IL1RAPL1: variants seen among roughly 807,000 people sequenced by gnomAD.
IL1RAPL1 encodes the protein interleukin-1 receptor accessory protein-like 1.
A neutral mutation model predicts 48.4 loss-of-function variants in IL1RAPL1; 3 were observed. The observed-to-expected ratio is 0.06, with a 90% confidence interval of 0.03 to 0.16. The LOEUF (loss-of-function observed/expected upper bound fraction) is 0.16. Ranked by LOEUF, IL1RAPL1 falls within the 10% of genes least tolerant of loss-of-function variation. The pLI, the probability that IL1RAPL1 is intolerant of heterozygous loss-of-function variation, is 1.00. For missense variants in IL1RAPL1, 349 were observed against 530.6 expected, an observed-to-expected ratio of 0.66 and a Z score of 3.36; for synonymous variants, 185 against 187.7, an observed-to-expected ratio of 0.99 and a Z score of 0.12.
At chrX:29,271,361 T>A (rs903088176) in intron 2 of IL1RAPL1, among the ~76,000 whole-genome samples, 3 of 112,173 alleles carry the variant, frequency 2.7e-5, no homozygotes, top group African/African-American at 9.7e-5. Context: ...ACGATTTATA[T>A]TCCTTTGGAT....
intron 2 of IL1RAPL1, among the ~76,000 whole-genome samples, chrX:29,232,573 A>C (rs989157744): frequency 8.9e-5 from 10 of 111,796 alleles, no homozygotes; most frequent in Non-Finnish European, 1.7e-4. Context: ...TTACATTTAC[A>C]ATCATCTGAC....
At chrX:29,681,761 C>A (rs1463267810) in intron 6 of IL1RAPL1, among the ~76,000 whole-genome samples, 1 of 111,698 alleles carries the variant, frequency 9.0e-6, no homozygotes, top group African/African-American at 3.3e-5. Context: ...GTCATCATTC[C>A]TATGTATTGT....
intron 5 of IL1RAPL1, among the ~76,000 whole-genome samples, chrX:29,534,220 G>A (rs1429827413): frequency 9.0e-6 from 1 of 111,622 alleles, no homozygotes; most frequent in Non-Finnish European, 1.9e-5. Flanking sequence ...CTTCTCTTTA[G>A]GATGTGCAAA....
intron 6 of IL1RAPL1, among the ~76,000 whole-genome samples, chrX:29,800,406 C>T: frequency 9.0e-6 from 1 of 110,541 alleles, no homozygotes; most frequent in Admixed American, 9.7e-5. Context: ...AATTATCTAA[C>T]TTAAGTTACC....
At chrX:29,019,427 A>G (rs1170407175) in intron 2 of IL1RAPL1, among the ~76,000 whole-genome samples, 1 of 111,240 alleles carries the variant, frequency 9.0e-6, no homozygotes, top group African/African-American at 3.3e-5. Flanking sequence ...ATCTCAAGAA[A>G]ACTGTTATTA....
chrX:29,371,561 C>T (rs752036120), intron 3 of IL1RAPL1, among the ~76,000 whole-genome samples: 2 of 111,529 alleles, frequency 1.8e-5, no homozygotes, highest in Non-Finnish European at 3.8e-5. Context: ...GCATAGTACC[C>T]GATAGGTAGT....
chrX:29,579,489 G>A (rs1340454288), intron 5 of IL1RAPL1, among the ~76,000 whole-genome samples: 2 of 111,463 alleles, frequency 1.8e-5, no homozygotes, highest in South Asian at 3.7e-4. Context: ...AAAGTAGCAC[G>A]GAGGCTTACC....
At chrX:29,633,409 G>A (rs940864800) in intron 5 of IL1RAPL1, among the ~76,000 whole-genome samples, 1 of 109,346 alleles carries the variant, frequency 9.1e-6, no homozygotes, top group Non-Finnish European at 1.9e-5. Context: ...TTCTATTTCT[G>A]AATCTGGTTG....
At position 29,089,003 on chromosome X, in the gene IL1RAPL1, AC is replaced by A. The variant is rs771138770; in HGVS notation, c.83-193934del. Among the ~76,000 whole-genome samples, 32 of 111,414 alleles carry A rather than the reference AC, an allele frequency of 2.9e-4. No homozygotes were observed. In the South Asian group the frequency reaches 0.011, roughly 40 times the overall value. The stretch of plus-strand genomic sequence containing the variant: ...AAAATGTTTCCTGGAGAAAATGAGA[AC>A]AGTCCTACCTTTAAGCAAATTGATT... On this transcript the variant is annotated intron_variant, in intron 2 of 10. Coordinates refer to ENST00000378993, the MANE Select transcript of IL1RAPL1 (RefSeq NM_014271.4).
intron 5 of IL1RAPL1, among the ~76,000 whole-genome samples, chrX:29,584,801 G>A (rs540885064): frequency 9.0e-6 from 1 of 111,596 alleles, no homozygotes; most frequent in Admixed American, 9.5e-5. Context: ...CTATCATCCC[G>A]CCTTGGCCTC....
intron 2 of IL1RAPL1, among the ~76,000 whole-genome samples, chrX:29,208,378 C>G (rs997946716): frequency 9.0e-6 from 1 of 111,550 alleles, no homozygotes; most frequent in African/African-American, 3.3e-5. Context: ...GAGCCAGAAT[C>G]CATTGACTTA....
At position 29,857,820 on chromosome X, in the gene IL1RAPL1, GTGAC is replaced by G. The variant is rs200370993; in HGVS notation, c.779-59638_779-59635del. On this transcript the variant is annotated intron_variant, in intron 6 of 10. Coordinates refer to ENST00000378993, the MANE Select transcript of IL1RAPL1 (RefSeq NM_014271.4). The stretch of plus-strand genomic sequence containing the variant: ...GACAAAGGGAGGCAATTCTGGAAAA[GTGAC>G]TGACTAAGTTGTATGAAGAGGCAAA... Among the ~76,000 whole-genome samples, 16 of 111,986 alleles carry G rather than the reference GTGAC, an allele frequency of 1.4e-4. No homozygotes were observed. The East Asian group carries it at 2.5e-3, about 18-fold the overall frequency.
intron 6 of IL1RAPL1, among the ~76,000 whole-genome samples, chrX:29,845,591 A>C (rs1363935146): frequency 8.9e-6 from 1 of 111,811 alleles, no homozygotes; most frequent in African/African-American, 3.3e-5. Context: ...TTGTGTTCCC[A>C]GTAACTTAAC....
chrX:29,264,246 G>A (rs928795735), intron 2 of IL1RAPL1, among the ~76,000 whole-genome samples: 6 of 111,470 alleles, frequency 5.4e-5, no homozygotes, highest in African/African-American at 1.3e-4. Flanking sequence ...TTTCCTAAGC[G>A]TACTATGATT....
intron 2 of IL1RAPL1, among the ~76,000 whole-genome samples, chrX:28,992,419 G>A (rs1042397178): frequency 5.8e-5 from 6 of 103,227 alleles, no homozygotes; most frequent in Non-Finnish European, 1.2e-4. Context: ...GAGCCTGGGA[G>A]ACGGAGGTTG....
At chrX:29,137,161 CTACCTTGGCCTCAGCTACTGCT>C (rs1281059596) in intron 2 of IL1RAPL1, among the ~76,000 whole-genome samples, 1 of 102,208 alleles carries the variant, frequency 9.8e-6, no homozygotes, top group Non-Finnish European at 2.0e-5. Context: ...TTGGCCTCAG[CTACCTTGGCCTCAGCTACTGCT>C]TACCTTGGCC....
intron 2 of IL1RAPL1, among the ~76,000 whole-genome samples, chrX:28,988,908 C>G: frequency 9.0e-6 from 1 of 111,485 alleles, no homozygotes; most frequent in South Asian, 3.8e-4. Context: ...TATAATTCCA[C>G]AATGTAACTA....
intron 2 of IL1RAPL1, among the ~76,000 whole-genome samples, chrX:29,244,270 G>C (rs1375736058): frequency 8.9e-6 from 1 of 112,074 alleles, no homozygotes; most frequent in Non-Finnish European, 1.9e-5. Flanking sequence ...GTGAATCTTT[G>C]ACACAGAAAG....
chrX:29,008,590 A>C (rs1343742089), intron 2 of IL1RAPL1, among the ~76,000 whole-genome samples: 1 of 112,611 alleles, frequency 8.9e-6, no homozygotes, highest in Admixed American at 9.4e-5. Flanking sequence ...AAATACATAA[A>C]ATTATTTTTC....
Sources: allele counts gnomAD v4.1 joint callset (sites outside exome capture counted in the v4.1 genomes callset), GRCh38; gene constraint gnomAD v4.1.1; transcripts MANE v1.5; gene names NCBI Gene and HGNC (gene_info 2026-07-23, HGNC 2026-07-21).